Variants in ZNF514 observed in about 807,000 individuals in gnomAD.
ZNF514 encodes zinc finger protein 514.
Under a neutral mutation model 9.7 loss-of-function variants are expected in ZNF514, and 12 were observed. The observed-to-expected ratio is 1.24, with a 90% CI of 0.79 to 2.01. ZNF514 has a LOEUF of 2.01. ZNF514 is among the 30% of genes most tolerant of loss of function. The probability of loss-of-function intolerance (pLI) is 0.00; values close to 1 mark genes in which losing one functional copy is unlikely to be tolerated. For synonymous variants in ZNF514, 158 were observed against 163.7 expected (o/e 0.97, Z 0.27); for missense variants, 467 against 465.5 (o/e 1.00, Z -0.03).
chr2:95,158,942 C>T, intron 1 of ZNF514: 4 of 1,289,758 alleles, frequency 3.1e-6, no homozygotes, highest in Non-Finnish European at 4.0e-6. Flanking sequence ...GCTCCTGGCC[C>T]TCTGCACGCT....
At chr2:95,150,961 A>G (rs1219515100) in intron 4 of ZNF514, among the ~76,000 whole-genome samples, 1 of 152,180 alleles carries the variant, frequency 6.6e-6, no homozygotes, top group Non-Finnish European at 1.5e-5. Flanking sequence ...GACTTTGCGT[A>G]CCTTTCAGGG....
At chr2:95,126,392 A>AAAAAAAAAG in the ZNF514 span, among the ~76,000 whole-genome samples, 201 of 84,418 alleles carry the variant, frequency 2.4e-3, no homozygotes, top group African/African-American at 5.3e-3. Context: ...AAAAAAAAAA[A>AAAAAAAAAG]AAAGAAAGAA....
the ZNF514 span, among the ~76,000 whole-genome samples, chr2:95,123,154 G>C: frequency 2.0e-5 from 3 of 152,156 alleles, no homozygotes; most frequent in Non-Finnish European, 4.4e-5. Context: ...GCTAAGTAAA[G>C]AGGCTGACTG....
At chr2:95,126,658 C>T in the ZNF514 span, among the ~76,000 whole-genome samples, 7 of 151,986 alleles carry the variant, frequency 4.6e-5, no homozygotes, top group Admixed American at 3.9e-4. Context: ...ATCTGTATAC[C>T]CTCTTGAGTA....
Position 95,159,358 on chromosome 2 carries a change from G to T in ZNF514, c.-214C>A, listed in dbSNP as rs1573384743. The stretch of plus-strand genomic sequence containing the variant: ...CCACAGCCACGCCCGCGACGCGAGG[G>T]CCCAGCGCTCTTCAGCTGCCCGGAA... On this transcript the variant is annotated 5_prime_UTR_variant, in exon 1 of 5. Transcript: ENST00000295208. The T allele has an allele frequency of 6.1e-6, 1 of 164,080 alleles. No individual in the cohort carries two copies. Among genetic ancestry groups the T allele is most frequent in the East Asian group, 1.8e-4 (1 of 5,496 alleles). The allele number at this position is 164,080 out of a possible 1,614,324, so 10.2% of individuals were successfully genotyped here.
chr2:95,131,355 C>T, the ZNF514 span, among the ~76,000 whole-genome samples: 1 of 152,162 alleles, frequency 6.6e-6, no homozygotes, highest in East Asian at 1.9e-4. Context: ...TCCTGCCAGC[C>T]CACAGAATTA....
the ZNF514 span, among the ~76,000 whole-genome samples, chr2:95,123,532 C>T: frequency 1.3e-5 from 2 of 152,228 alleles, no homozygotes; most frequent in Non-Finnish European, 2.9e-5. Context: ...TCAGGTGATA[C>T]CAACAGATCA....
In ZNF514 at chr2:95,153,292, A is replaced by G. The variant is rs374722232; in HGVS notation, c.-6-33T>C. 1.2e-4 allele frequency: 185 copies of G among 1,595,328 alleles called. No homozygotes were observed. The African/African-American group carries it at 2.2e-3, about 19-fold the overall frequency. ...ACAGAAGACACTCCAGTGTCCACTT[A>G]TATGCTTATCAATATGAAACTGCTA... is the stretch of plus-strand genomic sequence containing the variant. On this transcript the variant is annotated intron_variant, in intron 2 of 4. Coordinates refer to ENST00000295208, the MANE Select transcript of ZNF514 (RefSeq NM_032788.3).
chr2:95,156,769 T>A (rs1256417346), intron 2 of ZNF514, among the ~76,000 whole-genome samples: 1 of 152,170 alleles, frequency 6.6e-6, no homozygotes, highest in Non-Finnish European at 1.5e-5. Context: ...AGGTGACTCA[T>A]CCAAGGCCAC....
chr2:95,149,921 A>C lies in ZNF514; in HGVS notation c.564T>G (p.Thr188=), dbSNP rs1224934031. The C allele has an allele frequency of 1.2e-6, 2 of 1,614,090 alleles. No homozygotes were observed. The highest frequency in any genetic ancestry group is 1.7e-6 in the Non-Finnish European group (2 of 1,180,036). The part of the protein sequence containing the change: ...SYKCDTEFRQ[T]LGGNNSQRTH... ...TTCTCTGAGAGTTGTTTCCCCCTAA[A>C]GTCTGCCTGAATTCTGTATCACATT... The change falls in exon 5 of 5, where the codon ACT becomes ACG. Residue 188 remains threonine, a synonymous_variant. Transcript: ENST00000295208.
chr2:95,146,255 T>C lies in ZNF514; in HGVS notation c.*3027A>G, dbSNP rs914398424. Among the ~76,000 whole-genome samples, 9 of 152,226 alleles carry C rather than the reference T, an allele frequency of 5.9e-5. No homozygotes were observed. Among genetic ancestry groups the C allele is most frequent in the African/African-American group, 2.2e-4 (9 of 41,456 alleles). On this transcript the variant is annotated 3_prime_UTR_variant, in exon 5 of 5. Coordinates refer to ENST00000295208, the MANE Select transcript of ZNF514 (RefSeq NM_032788.3). ...AAAGTGGTAAAGTGATAAAAAATTA[T>C]TTAAATAGATCAAGACAGTGATACG...
chr2:95,153,882 A>C (rs1417755411), intron 2 of ZNF514: 2 of 152,238 alleles, frequency 1.3e-5, no homozygotes, highest in Non-Finnish European at 2.9e-5. Flanking sequence ...TAAAGAGCAA[A>C]ATAGGTGAAA....
intron 4 of ZNF514, among the ~76,000 whole-genome samples, chr2:95,150,539 AGAG>A (rs376789510): frequency 1.2e-3 from 183 of 152,302 alleles, no homozygotes; most frequent in Non-Finnish European, 2.1e-3. Flanking sequence ...ACTAAAGATG[AGAG>A]GAGGGTAGGA....
intron 1 of ZNF514, chr2:95,159,018 T>C: frequency 7.9e-7 from 1 of 1,263,870 alleles, no homozygotes; most frequent in Non-Finnish European, 1.0e-6. Context: ...TTTCACTAGG[T>C]CCAAATCTCT....
chr2:95,137,433 A>C, the ZNF514 span, among the ~76,000 whole-genome samples: 1 of 152,232 alleles, frequency 6.6e-6, no homozygotes, highest in Non-Finnish European at 1.5e-5. Context: ...GGTACATATG[A>C]CTGTTACTAT....
chr2:95,137,756 AC>A, the ZNF514 span, among the ~76,000 whole-genome samples: 1 of 152,214 alleles, frequency 6.6e-6, no homozygotes, highest in Non-Finnish European at 1.5e-5. Flanking sequence ...GAACATCCAA[AC>A]TTTTATAGCA....
At chr2:95,134,584 T>C in the ZNF514 span, among the ~76,000 whole-genome samples, 1 of 152,194 alleles carries the variant, frequency 6.6e-6, no homozygotes, top group Non-Finnish European at 1.5e-5. Context: ...ACATCTATTA[T>C]TACTGCGAAA....
chr2:95,153,248 T>C lies in ZNF514; in HGVS notation c.6A>G (p.Thr2=). 6.2e-7 allele frequency: 1 copy of C among 1,613,846 alleles called. No homozygotes were observed. The highest frequency in any genetic ancestry group is 8.5e-7 in the Non-Finnish European group (1 of 1,179,810). M[T]FEDVAVEFSQ... ...TGAATTCCACAGCCACATCTTCAAATGTCATCAGGTCCTGAAACACAGAAG... is the reference window on the plus strand; with the variant it reads ...TGAATTCCACAGCCACATCTTCAAACGTCATCAGGTCCTGAAACACAGAAG... The change falls in exon 3 of 5, where the codon ACA becomes ACG. Residue 2 remains threonine (T), a synonymous_variant. Transcript: ENST00000295208.
At chr2:95,137,190 A>G in the ZNF514 span, among the ~76,000 whole-genome samples, 1 of 152,234 alleles carries the variant, frequency 6.6e-6, no homozygotes. Context: ...ACGCCAAAGA[A>G]GCAGCCTTAA....
Sources: gnomAD v4.1 joint callset for allele counts (sites outside exome capture counted in the v4.1 genomes callset) on GRCh38, gnomAD v4.1.1 for gene constraint, MANE v1.5 for transcripts, NCBI Gene and HGNC (gene_info 2026-07-23, HGNC 2026-07-21) for gene names.